Variants in MRPS28 observed in about 807,000 individuals in gnomAD.
The protein encoded by MRPS28 is mitochondrial ribosomal protein S28.
In MRPS28, 7 loss-of-function variants were observed where a neutral mutation model predicts 10.8. The ratio of observed to expected loss-of-function variants is 0.65; its 90% CI spans 0.37 to 1.22. The LOEUF is 1.22. MRPS28 is among the 50% of genes most tolerant of loss of function. MRPS28 has a pLI of 0.02. For missense variants in MRPS28, 265 were observed against 232.9 expected, an observed-to-expected ratio of 1.14 and a Z score of -0.90; for synonymous variants, 121 against 93.3, an observed-to-expected ratio of 1.30 and a Z score of -1.71.
At chr8:79,968,808 C>T (rs1372242258) in intron 2 of MRPS28, among the ~76,000 whole-genome samples, 1 of 151,736 alleles carries the variant, frequency 6.6e-6, no homozygotes, top group Non-Finnish European at 1.5e-5. Flanking sequence ...CTCTTGATTA[C>T]AGAGTTGAAG....
intron 2 of MRPS28, among the ~76,000 whole-genome samples, chr8:79,970,138 T>C (rs969347356): frequency 6.6e-6 from 1 of 152,216 alleles, no homozygotes; most frequent in Non-Finnish European, 1.5e-5. Flanking sequence ...TGGCTCCACC[T>C]GCAAATTATC....
intron 1 of MRPS28, among the ~76,000 whole-genome samples, chr8:80,024,667 T>C (rs1003205536): frequency 6.6e-6 from 1 of 152,240 alleles, no homozygotes; most frequent in Non-Finnish European, 1.5e-5. Context: ...ATGCTATTTT[T>C]CATTTGTAAT....
intron 2 of MRPS28, among the ~76,000 whole-genome samples, chr8:79,987,197 T>C (rs558101089): frequency 0.023 from 3,500 of 152,206 alleles, 92 homozygotes; most frequent in African/African-American, 0.06. Flanking sequence ...ATTTAATAAA[T>C]GGTGTTGGGA....
chr8:79,923,957 T>C (rs1488797322), intron 2 of MRPS28, among the ~76,000 whole-genome samples: 1 of 152,254 alleles, frequency 6.6e-6, no homozygotes, highest in Non-Finnish European at 1.5e-5. Flanking sequence ...AGACATTCTT[T>C]AACATCTGTC....
intron 2 of MRPS28, chr8:79,957,061 A>C (rs1247248877): frequency 2.6e-5 from 4 of 152,094 alleles, no homozygotes; most frequent in African/African-American, 9.7e-5. Flanking sequence ...AAGTTCTTGA[A>C]CAGTCTATGC....
intron 2 of MRPS28, among the ~76,000 whole-genome samples, chr8:79,992,408 G>A (rs562038431): frequency 7.2e-5 from 11 of 152,112 alleles, no homozygotes; most frequent in African/African-American, 1.4e-4. Context: ...TCTATCCTTC[G>A]GTATCTAACT....
chr8:79,998,054 C>CA (rs35716562), intron 2 of MRPS28, among the ~76,000 whole-genome samples: 71,269 of 130,804 alleles, frequency 0.54, 20,058 homozygotes, highest in East Asian at 0.7. Context: ...GACTCTGTCT[C>CA]AAAAAAAAAA....
intron 2 of MRPS28, among the ~76,000 whole-genome samples, chr8:79,963,712 T>C (rs1429246297): frequency 1.3e-5 from 2 of 152,232 alleles, no homozygotes; most frequent in South Asian, 2.1e-4. Flanking sequence ...TGACTCAGTG[T>C]ACTGCTGCTT....
rs1023245112 is a variant in MRPS28 at position 79,928,602 on chromosome 8, G to C, written c.396-9454C>G. On this transcript the variant is annotated intron_variant, in intron 2 of 2. Transcript: ENST00000276585. ...TTATAGGTGTGTGCTACCACACCTG[G>C]CTAATTTTTTGTATTTTTAGTAGAG... Among the ~76,000 whole-genome samples the C allele has an allele frequency of 2.0e-5, 3 of 151,968 alleles. No individual in the cohort carries two copies. In the South Asian group the frequency reaches 6.2e-4, roughly 32 times the overall value.
intron 2 of MRPS28, among the ~76,000 whole-genome samples, chr8:79,938,268 A>T (rs16907301): frequency 0.07 from 10,658 of 152,028 alleles, 598 homozygotes; most frequent in African/African-American, 0.15. Flanking sequence ...ACACATCGTG[A>T]TTTGCACTTT....
At chr8:79,942,835 A>C (rs1806805602) in intron 2 of MRPS28, among the ~76,000 whole-genome samples, 7 of 152,220 alleles carry the variant, frequency 4.6e-5, no homozygotes, top group Admixed American at 4.6e-4. Context: ...AGAAAAAAAT[A>C]CATGTTGTCT....
chr8:79,948,706 T>C (rs533669878), intron 2 of MRPS28, among the ~76,000 whole-genome samples: 172 of 152,376 alleles, frequency 1.1e-3, no homozygotes, highest in Middle Eastern at 6.8e-3. Context: ...TCAATGCTTT[T>C]TCTGCTTTCC....
At chr8:80,027,236 T>A (rs1009502923) in intron 1 of MRPS28, among the ~76,000 whole-genome samples, 2 of 152,264 alleles carry the variant, frequency 1.3e-5, no homozygotes, top group Non-Finnish European at 2.9e-5. Context: ...TAAAGCTTAC[T>A]CTGTACCAGT....
rs558025542 is a variant in MRPS28 at position 80,012,679 on chromosome 8, C to A, written c.214-9499G>T. ...AGAGATCAGATCTCCTGCTATTCTGCTGTACTATTTTCTCCTTTGAAGCCT... is the reference window on the plus strand; with the variant it reads ...AGAGATCAGATCTCCTGCTATTCTGATGTACTATTTTCTCCTTTGAAGCCT... On this transcript the variant is annotated intron_variant, in intron 1 of 2. Transcript: ENST00000276585. 9.2e-5 allele frequency among the ~76,000 whole-genome samples: 14 copies of A among 152,318 alleles called. No homozygotes were observed. The South Asian group carries it at 2.1e-3, about 23-fold the overall frequency.
chr8:79,987,472 C>T (rs1808221483), intron 2 of MRPS28, among the ~76,000 whole-genome samples: 1 of 152,080 alleles, frequency 6.6e-6, no homozygotes, highest in East Asian at 1.9e-4. Flanking sequence ...AAGAAACTAC[C>T]ATCAGAGTGA....
chr8:79,923,481 T>C (rs886115786), intron 2 of MRPS28, among the ~76,000 whole-genome samples: 3 of 152,170 alleles, frequency 2.0e-5, no homozygotes, highest in Admixed American at 6.5e-5. Context: ...AATGGCTACT[T>C]TCAAATAAAT....
intron 1 of MRPS28, among the ~76,000 whole-genome samples, chr8:80,008,770 A>G (rs898465814): frequency 3.3e-5 from 5 of 152,246 alleles, no homozygotes; most frequent in African/African-American, 1.2e-4. Context: ...AAAAGTCAGG[A>G]AACAACAGGT....
intron 2 of MRPS28, among the ~76,000 whole-genome samples, chr8:79,945,582 A>C (rs1306785375): frequency 6.6e-6 from 1 of 152,196 alleles, no homozygotes; most frequent in Non-Finnish European, 1.5e-5. Flanking sequence ...TGGTTGCAAA[A>C]CATTTTGAAA....
At chr8:79,922,724 T>G (rs1484575812) in intron 2 of MRPS28, among the ~76,000 whole-genome samples, 3 of 152,148 alleles carry the variant, frequency 2.0e-5, no homozygotes, top group African/African-American at 4.8e-5. Flanking sequence ...TTTGCCTTTC[T>G]TCCTCAATCA....
Sources: gnomAD v4.1 joint callset for allele counts (sites outside exome capture counted in the v4.1 genomes callset) on GRCh38, gnomAD v4.1.1 for gene constraint, MANE v1.5 for transcripts, NCBI Gene and HGNC (gene_info 2026-07-23, HGNC 2026-07-21) for gene names.